NAV2: variants seen among roughly 807,000 people sequenced by gnomAD.
The protein encoded by NAV2 is helicase, APC down-regulated 1.
A neutral mutation model predicts 223.2 loss-of-function variants in NAV2; 54 were observed. The observed-to-expected ratio is 0.24, with a 90% CI of 0.19 to 0.30. The LOEUF (loss-of-function observed/expected upper bound fraction) is 0.30, where lower values mean the gene tolerates loss of function less well. NAV2 is among the 10% of genes least tolerant of loss of function. NAV2 has a pLI of 1.00. For missense variants in NAV2, 2,806 were observed against 3,147.5 expected (o/e 0.89, Z 2.60); for synonymous variants, 1,279 against 1,239.3 (o/e 1.03, Z -0.67).
intron 1 of NAV2, among the ~76,000 whole-genome samples, chr11:19,403,615 C>T (rs868092045): frequency 1.3e-5 from 2 of 152,134 alleles, no homozygotes; most frequent in Non-Finnish European, 2.9e-5. Flanking sequence ...TATCAATGTT[C>T]ATTGAGAGGC....
In NAV2 at chr11:19,868,955, C is replaced by G. The variant is rs1166583521; in HGVS notation, c.469C>G (p.Leu157Val). The part of the protein sequence containing the change: ...IENIDACLNF[L>V]AAKGINIQGL... The stretch of plus-strand genomic sequence containing the variant: ...AAACATAGATGCCTGCTTGAATTTC[C>G]TGGCAGCTAAGGGAATAAACATCCA... The change falls in exon 4 of 38, where the codon CTG becomes GTG. Residue 157 changes from leucine (L) to valine (V), a missense_variant. Coordinates refer to ENST00000349880, the MANE Select transcript of NAV2 (RefSeq NM_145117.5). 1.9e-6 allele frequency: 3 copies of G among 1,613,886 alleles called. No homozygotes were observed. In the South Asian group the frequency reaches 3.3e-5, roughly 18 times the overall value.
chr11:19,620,853 A>G (rs2046971038), intron 1 of NAV2, among the ~76,000 whole-genome samples: 1 of 152,140 alleles, frequency 6.6e-6, no homozygotes, highest in Admixed American at 6.5e-5. Flanking sequence ...TTCAAAGGGA[A>G]TGCTTCCAGT....
chr11:19,972,050 C>T (rs2049298711), intron 10 of NAV2, among the ~76,000 whole-genome samples: 2 of 152,196 alleles, frequency 1.3e-5, no homozygotes, highest in Admixed American at 1.3e-4. Flanking sequence ...AAAGATCTCA[C>T]ACCCTGACTT....
chr11:19,608,378 C>T (rs758535524), intron 1 of NAV2, among the ~76,000 whole-genome samples: 2 of 152,240 alleles, frequency 1.3e-5, no homozygotes, highest in African/African-American at 2.4e-5. Flanking sequence ...GAAAAGAAAG[C>T]ACAAGAAAAG....
In NAV2 at chr11:19,531,636, G is replaced by T. The variant is rs2044030551; in HGVS notation, c.75+180609G>T. On this transcript the variant is annotated intron_variant, in intron 1 of 37. Coordinates refer to the NAV2 transcript ENST00000360655. ...GATTGCCAGTTGCTGAGACAGGGGAGAATGAAAGGTTGGGAATTCAAATGG... is the reference window on the plus strand; with the variant it reads ...GATTGCCAGTTGCTGAGACAGGGGATAATGAAAGGTTGGGAATTCAAATGG... 1.3e-5 allele frequency among the ~76,000 whole-genome samples: 2 copies of T among 152,184 alleles called. 1 individual carries two copies. Among genetic ancestry groups the T allele is most frequent in the South Asian group, 4.1e-4 (2 of 4,826 alleles).
chr11:20,075,916 C>T (rs7126042), intron 22 of NAV2, among the ~76,000 whole-genome samples: 48,496 of 151,730 alleles, frequency 0.32, 8,592 homozygotes, highest in African/African-American at 0.47. Flanking sequence ...ATCCCTCTTG[C>T]AGCCCACTGT....
At position 19,396,610 on chromosome 11, in the gene NAV2, A is replaced by G. The variant is rs796586768; in HGVS notation, c.75+45583A>G. ...TCCCCTGGCACCTCACTGGGTGGGG[A>G]GGTCTCAACAGTACGCTGGTTCTCG... On this transcript the variant is annotated intron_variant, in intron 1 of 37. Transcript: ENST00000360655. Among the ~76,000 whole-genome samples, 6 of 152,026 alleles carry G rather than the reference A, an allele frequency of 3.9e-5. No individual in the cohort carries two copies. The South Asian group carries it at 1.2e-3, about 32-fold the overall frequency.
intron 18 of NAV2, 57 bp from the exon 19 acceptor site, chr11:20,055,712 A>G (rs1046171611): frequency 6.7e-7 from 1 of 1,494,374 alleles, no homozygotes; most frequent in African/African-American, 1.4e-5. Flanking sequence ...GTCCCCAACC[A>G]GGATTTGAAC....
chr11:19,351,140 G>T (rs74335184), intron 1 of NAV2: 1 of 1,092,936 alleles, frequency 9.1e-7, no homozygotes, highest in Non-Finnish European at 1.4e-6. Flanking sequence ...CTCTCCGGAA[G>T]GAGGTAGCAT....
At chr11:19,596,769 C>T (rs1188505494) in intron 1 of NAV2, among the ~76,000 whole-genome samples, 1 of 152,236 alleles carries the variant, frequency 6.6e-6, no homozygotes, top group Non-Finnish European at 1.5e-5. Context: ...GCACTACTTC[C>T]GAGAGCATCT....
chr11:19,367,075 G>T (rs1244768602), intron 1 of NAV2, among the ~76,000 whole-genome samples: 3 of 152,176 alleles, frequency 2.0e-5, no homozygotes, highest in African/African-American at 7.2e-5. Context: ...TGACAAGGGT[G>T]GGAGAACCAG....
chr11:19,657,743 G>A (rs2048168110), intron 1 of NAV2, among the ~76,000 whole-genome samples: 1 of 152,122 alleles, frequency 6.6e-6, no homozygotes, highest in African/African-American at 2.4e-5. Context: ...CCCCTATGCG[G>A]GCAGAAAGTG....
chr11:19,576,309 C>T (rs2045569902), intron 1 of NAV2, among the ~76,000 whole-genome samples: 1 of 152,218 alleles, frequency 6.6e-6, no homozygotes, highest in African/African-American at 2.4e-5. Context: ...TTCTTGAAGT[C>T]ATAGAGAGGC....
chr11:19,551,483 G>A (rs1004451234), intron 1 of NAV2, among the ~76,000 whole-genome samples: 1 of 152,216 alleles, frequency 6.6e-6, no homozygotes, highest in African/African-American at 2.4e-5. Flanking sequence ...GCCTGCCAGT[G>A]TGCCTGTCCC....
intron 1 of NAV2, among the ~76,000 whole-genome samples, chr11:19,722,979 G>A (rs533014288): frequency 2.2e-4 from 34 of 152,216 alleles, no homozygotes; most frequent in Non-Finnish European, 4.3e-4. Flanking sequence ...TGGCTGCTGC[G>A]ATGGAAGAAG....
intron 19 of NAV2, among the ~76,000 whole-genome samples, chr11:20,057,535 T>C (rs549392728): frequency 3.9e-5 from 6 of 152,270 alleles, no homozygotes; most frequent in Admixed American, 3.3e-4. Flanking sequence ...ACAGTGATAG[T>C]AGAGAATATA....
At chr11:19,386,575 G>A (rs939541928) in intron 1 of NAV2, among the ~76,000 whole-genome samples, 8 of 152,122 alleles carry the variant, frequency 5.3e-5, no homozygotes, top group Admixed American at 2.0e-4. Context: ...TCAAGTTCAC[G>A]TTTGGACTGG....
At chr11:19,783,285 C>A (rs1471342755) in intron 1 of NAV2, among the ~76,000 whole-genome samples, 2 of 152,176 alleles carry the variant, frequency 1.3e-5, no homozygotes, top group Non-Finnish European at 2.9e-5. Context: ...TGGATGAAGT[C>A]CAACTCCTTT....
At chr11:19,961,397 A>G (rs2048344915) in intron 10 of NAV2, among the ~76,000 whole-genome samples, 1 of 152,218 alleles carries the variant, frequency 6.6e-6, no homozygotes, top group South Asian at 2.1e-4. Flanking sequence ...GGTGAATATG[A>G]AAAGAAACAT....
Sources: allele counts gnomAD v4.1 joint callset (sites outside exome capture counted in the v4.1 genomes callset), GRCh38; gene constraint gnomAD v4.1.1; transcripts MANE v1.5; gene names NCBI Gene and HGNC (gene_info 2026-07-23, HGNC 2026-07-21).